BCR: variants seen among roughly 807,000 people sequenced by gnomAD.
BCR encodes breakpoint cluster region protein.
In BCR, 58 loss-of-function variants were observed where a neutral mutation model predicts 138.6. The ratio of observed to expected loss-of-function variants is 0.42; its 90% CI spans 0.34 to 0.52. The LOEUF (loss-of-function observed/expected upper bound fraction) is 0.52. Among genes scored for constraint, BCR ranks in the 20% least tolerant of loss-of-function variants. The pLI, the probability that BCR is intolerant of heterozygous loss-of-function variation, is 0.06. For synonymous variants in BCR, 786 were observed against 730.1 expected, an observed-to-expected ratio of 1.08 and a Z score of -1.23; for missense variants, 1,599 against 1,727.2, an observed-to-expected ratio of 0.93 and a Z score of 1.32.
chr22:23,250,124 G>A (rs759497914), intron 1 of BCR, among the ~76,000 whole-genome samples: 1 of 152,212 alleles, frequency 6.6e-6, no homozygotes, highest in South Asian at 2.1e-4. Context: ...ATGTGGCTTC[G>A]CACATGTGGA....
rs376768223 is a variant in BCR at position 23,181,109 on chromosome 22, A to G, written c.149A>G (p.Asn50Ser). The change falls in exon 1 of 23, where the codon AAC becomes AGC. Residue 50 changes from asparagine (N) to serine (S), a missense_variant. By Grantham distance (46) the Asn-to-Ser change is conservative (BLOSUM62 1). This residue lies in a region of BCR where 806 missense variants were observed against 635.0 expected (regional missense o/e 1.27). Transcript: ENST00000305877. The part of the protein sequence containing the change: ...ASIRRLEQEV[N>S]QERFRMIYLQ... The stretch of plus-strand genomic sequence containing the variant: ...ATTCGGCGCCTGGAGCAGGAGGTGA[A>G]CCAGGAGCGCTTCCGCATGATCTAC... The G allele has an allele frequency of 3.3e-6, 5 of 1,503,710 alleles. No homozygotes were observed. In the African/African-American group the frequency reaches 4.3e-5, roughly 13 times the overall value. 93.1% of individuals were successfully genotyped at this position (1,503,710 alleles called of 1,614,324 possible).
At chr22:23,198,219 G>A in intron 1 of BCR, 1 of 421,730 alleles carries the variant, frequency 2.4e-6, no homozygotes, top group Non-Finnish European at 4.6e-6. Flanking sequence ...CTGGCAGCAG[G>A]GAGGAGGTGG....
intron 14 of BCR, among the ~76,000 whole-genome samples, chr22:23,291,620 C>G (rs2073788346): frequency 6.6e-6 from 1 of 152,102 alleles, no homozygotes; most frequent in Non-Finnish European, 1.5e-5. Flanking sequence ...CTCCTTGCCT[C>G]CCTGTTACCT....
intron 1 of BCR, among the ~76,000 whole-genome samples, chr22:23,186,613 A>G (rs1438298919): frequency 1.3e-5 from 2 of 152,112 alleles, no homozygotes; most frequent in African/African-American, 4.8e-5. Flanking sequence ...CAGCTATTAT[A>G]GATACCTCAT....
At chr22:23,295,863 G>A (rs143094686) in intron 16 of BCR, among the ~76,000 whole-genome samples, 209 of 152,220 alleles carry the variant, frequency 1.4e-3, no homozygotes, top group Non-Finnish European at 2.4e-3. Context: ...TCACAATTGC[G>A]CGGGGGTAGC....
At chr22:23,287,872 C>G (rs1046582263) in intron 11 of BCR, among the ~76,000 whole-genome samples, 2 of 152,198 alleles carry the variant, frequency 1.3e-5, no homozygotes, top group Admixed American at 6.5e-5. Flanking sequence ...ACACCCTGAC[C>G]CATGTAGTTC....
intron 1 of BCR, among the ~76,000 whole-genome samples, chr22:23,202,526 C>A (rs1324295144): frequency 6.6e-6 from 1 of 152,124 alleles, no homozygotes; most frequent in East Asian, 1.9e-4. Flanking sequence ...GCTTCTTCCC[C>A]CACGCCCAGT....
chr22:23,296,501 C>CT, intron 16 of BCR, among the ~76,000 whole-genome samples: 1 of 152,290 alleles, frequency 6.6e-6, no homozygotes, highest in Admixed American at 6.5e-5. Context: ...CAAATCTTTA[C>CT]CAAGTGCTGG....
chr22:23,197,896 TG>T (rs1196693435), intron 1 of BCR, among the ~76,000 whole-genome samples: 21 of 151,782 alleles, frequency 1.4e-4, no homozygotes, highest in Admixed American at 1.4e-3. Flanking sequence ...AAAGGGAGGC[TG>T]TATGAGCCTG....
At chr22:23,272,449 C>T (rs1196522234) in intron 6 of BCR, among the ~76,000 whole-genome samples, 1 of 152,118 alleles carries the variant, frequency 6.6e-6, no homozygotes, top group African/African-American at 2.4e-5. Context: ...AGCGTCTGTG[C>T]CTGGGACGGG....
intron 1 of BCR, among the ~76,000 whole-genome samples, chr22:23,195,899 AT>A (rs1247522992): frequency 6.6e-5 from 10 of 152,206 alleles, no homozygotes; most frequent in Admixed American, 1.3e-4. Context: ...TTAAAAACAA[AT>A]TAAATAAATA....
At chr22:23,182,740 G>T (rs1222651066) in intron 1 of BCR, among the ~76,000 whole-genome samples, 1 of 152,208 alleles carries the variant, frequency 6.6e-6, no homozygotes, top group African/African-American at 2.4e-5. Context: ...CCTGAGATAT[G>T]CTAGCTGCTC....
At chr22:23,199,012 C>T (rs2072515620) in intron 1 of BCR, among the ~76,000 whole-genome samples, 1 of 151,992 alleles carries the variant, frequency 6.6e-6, no homozygotes, top group Non-Finnish European at 1.5e-5. Flanking sequence ...ATCCCAGCTA[C>T]TCAGGAGGCT....
At chr22:23,244,577 G>A (rs2073133510) in intron 1 of BCR, among the ~76,000 whole-genome samples, 1 of 152,200 alleles carries the variant, frequency 6.6e-6, no homozygotes, top group African/African-American at 2.4e-5. Flanking sequence ...CATGGTTGCT[G>A]TGATGCCCAC....
intron 16 of BCR, among the ~76,000 whole-genome samples, chr22:23,303,643 G>A (rs1199695433): frequency 1.3e-5 from 2 of 152,178 alleles, no homozygotes; most frequent in Non-Finnish European, 2.9e-5. Context: ...CAATATTTGG[G>A]GAAGATATGA....
chr22:23,266,541 C>T (rs765086485), intron 4 of BCR, among the ~76,000 whole-genome samples: 4 of 152,134 alleles, frequency 2.6e-5, no homozygotes, highest in Admixed American at 1.3e-4. Flanking sequence ...AGGCATGCGC[C>T]GTCACGCCCG....
chr22:23,185,099 G>C (rs2072322553), intron 1 of BCR, among the ~76,000 whole-genome samples: 1 of 152,116 alleles, frequency 6.6e-6, no homozygotes, highest in Admixed American at 6.5e-5. Flanking sequence ...CTTCCCATAG[G>C]GCCCCTCATG....
chr22:23,190,203 T>C (rs541216259), intron 1 of BCR, among the ~76,000 whole-genome samples: 5 of 152,202 alleles, frequency 3.3e-5, no homozygotes, highest in African/African-American at 1.2e-4. Context: ...GTTTCACTCT[T>C]GTCACCCAGA....
In BCR at chr22:23,261,539, T is replaced by A. The variant is rs1237544541; in HGVS notation, c.1751T>A (p.Leu584Gln). The A allele has an allele frequency of 6.2e-7, 1 of 1,611,540 alleles. No individual in the cohort carries two copies. The highest frequency in any genetic ancestry group is 1.1e-5 in the South Asian group (1 of 91,048). The change falls in exon 4 of 23, where the codon CTG becomes CAG. Residue 584 changes from leucine to glutamine, a missense_variant and splice_region_variant. Coordinates refer to ENST00000305877, the MANE Select transcript of BCR (RefSeq NM_004327.4). ...CGGGTGGGCGACCTCTTCCAGAAGCTGGTGAGTAACCCAGGGCCGGTGCTG... is the reference window on the plus strand; with the variant it reads ...CGGGTGGGCGACCTCTTCCAGAAGCAGGTGAGTAACCCAGGGCCGGTGCTG... The part of the protein sequence containing the change: ...QQRVGDLFQK[L>Q]ASQLGVYRAF...
Sources: gnomAD v4.1 joint callset for allele counts (sites outside exome capture counted in the v4.1 genomes callset) on GRCh38, gnomAD v4.1.1 for gene constraint, gnomAD v4.1.1 regional missense constraint, MANE v1.5 for transcripts, NCBI Gene and HGNC (gene_info 2026-07-23, HGNC 2026-07-21) for gene names.